The following SETBP1 variants were observed in gnomAD, a reference collection of about 807,000 sequenced individuals.
SETBP1 encodes the protein SET binding protein 1.
SETBP1 carries 9 observed loss-of-function variants against 101.0 expected under a neutral mutation model. That is an observed-to-expected ratio of 0.09 (90% CI 0.05 to 0.16). The LOEUF is 0.16. Ranked by LOEUF, SETBP1 falls within the 10% of genes least tolerant of loss-of-function variation. The probability of loss-of-function intolerance (pLI) is 1.00; values close to 1 mark genes in which losing one functional copy is unlikely to be tolerated. For missense variants in SETBP1, 1,858 were observed against 2,033.8 expected (o/e 0.91, Z 1.66); for synonymous variants, 818 against 788.5 (o/e 1.04, Z -0.63).
intron 2 of SETBP1, among the ~76,000 whole-genome samples, chr18:44,748,026 G>C (rs1260093395): frequency 3.3e-5 from 5 of 152,176 alleles, no homozygotes. Flanking sequence ...TGAGTGGGGT[G>C]GGGAGGCTGG....
chr18:44,766,837 T>G (rs1340199651), intron 2 of SETBP1, among the ~76,000 whole-genome samples: 3 of 152,184 alleles, frequency 2.0e-5, no homozygotes, highest in Non-Finnish European at 4.4e-5. Flanking sequence ...TGATAAATTT[T>G]ATCTTATGTG....
intron 2 of SETBP1, among the ~76,000 whole-genome samples, chr18:44,707,240 G>GT (rs935154401): frequency 2.4e-4 from 36 of 152,162 alleles, no homozygotes; most frequent in African/African-American, 7.5e-4. Context: ...TCACTAGAGT[G>GT]TTTTTTCCAT....
intron 2 of SETBP1, among the ~76,000 whole-genome samples, chr18:44,729,608 G>A (rs1252412496): frequency 6.6e-6 from 1 of 152,216 alleles, no homozygotes; most frequent in Non-Finnish European, 1.5e-5. Context: ...AGGGGCCTAT[G>A]GGGACACCCA....
chr18:44,753,936 C>A (rs16978152), intron 2 of SETBP1, among the ~76,000 whole-genome samples: 2,899 of 152,244 alleles, frequency 0.019, 99 homozygotes, highest in African/African-American at 0.066. Context: ...GTTGGCTGTT[C>A]GAAGGTAGCT....
intron 2 of SETBP1, among the ~76,000 whole-genome samples, chr18:44,736,098 G>T (rs1405089718): frequency 2.0e-5 from 3 of 152,180 alleles, no homozygotes; most frequent in Non-Finnish European, 2.9e-5. Context: ...TCATTAAGAA[G>T]GTCAGGCTGG....
chr18:44,756,761 C>A (rs1244837974), intron 2 of SETBP1, among the ~76,000 whole-genome samples: 1 of 152,110 alleles, frequency 6.6e-6, no homozygotes, highest in Non-Finnish European at 1.5e-5. Context: ...AACCTCTGTC[C>A]TTAAAATTTG....
chr18:45,020,080 G>A (rs964092736), intron 4 of SETBP1, among the ~76,000 whole-genome samples: 7 of 151,694 alleles, frequency 4.6e-5, no homozygotes, highest in African/African-American at 1.5e-4. Context: ...GAGATTTAAA[G>A]TTACTCATAT....
intron 2 of SETBP1, among the ~76,000 whole-genome samples, chr18:44,779,942 ACACG>A (rs2071089931): frequency 6.6e-6 from 1 of 151,840 alleles, no homozygotes; most frequent in South Asian, 2.1e-4. Context: ...ACGCACACAC[ACACG>A]CACGCACACA....
intron 4 of SETBP1, among the ~76,000 whole-genome samples, chr18:44,981,923 C>T (rs1462219639): frequency 6.6e-6 from 1 of 152,200 alleles, no homozygotes; most frequent in East Asian, 1.9e-4. Context: ...AGTTGCTTCA[C>T]TGTAGCATCT....
intron 2 of SETBP1, among the ~76,000 whole-genome samples, chr18:44,807,587 C>T (rs1161035659): frequency 6.6e-6 from 1 of 152,100 alleles, no homozygotes; most frequent in Non-Finnish European, 1.5e-5. Context: ...TATAGAATTC[C>T]CTGGGCCAGT....
chr18:44,711,177 CT>C (rs1276745019), intron 2 of SETBP1, among the ~76,000 whole-genome samples: 1 of 151,974 alleles, frequency 6.6e-6, no homozygotes, highest in Non-Finnish European at 1.5e-5. Flanking sequence ...AACTATGCAA[CT>C]TTTTTCTCTT....
intron 4 of SETBP1, among the ~76,000 whole-genome samples, chr18:45,002,733 C>G (rs1331129093): frequency 6.6e-6 from 1 of 152,200 alleles, no homozygotes; most frequent in African/African-American, 2.4e-5. Flanking sequence ...ACTTCAGCAA[C>G]TCTCTCATCT....
chr18:44,904,355 T>C (rs1048750525), intron 3 of SETBP1, among the ~76,000 whole-genome samples: 3 of 152,210 alleles, frequency 2.0e-5, no homozygotes, highest in African/African-American at 7.2e-5. Context: ...TGCATATTCC[T>C]TTTTGTTTCA....
chr18:44,789,243 A>G, intron 2 of SETBP1, among the ~76,000 whole-genome samples: 1 of 152,218 alleles, frequency 6.6e-6, no homozygotes, highest in East Asian at 1.9e-4. Context: ...TTACCAAAAT[A>G]GCTTTGTGAC....
chr18:44,836,118 G>GA (rs2072489266), intron 2 of SETBP1, among the ~76,000 whole-genome samples: 3 of 44,224 alleles, frequency 6.8e-5, no homozygotes, highest in Non-Finnish European at 2.0e-4. Flanking sequence ...CTCTCTATAA[G>GA]CTTTTTTTTT....
intron 2 of SETBP1, among the ~76,000 whole-genome samples, chr18:44,779,253 A>G (rs1056189196): frequency 4.6e-5 from 7 of 152,100 alleles, no homozygotes; most frequent in Admixed American, 3.9e-4. Flanking sequence ...CTTCTCATAT[A>G]CACTGCATCA....
At chr18:44,763,611 T>G (rs1447434616) in intron 2 of SETBP1, among the ~76,000 whole-genome samples, 1 of 152,240 alleles carries the variant, frequency 6.6e-6, no homozygotes, top group Non-Finnish European at 1.5e-5. Flanking sequence ...GCAATGGTCA[T>G]TTAAAGCTAT....
chr18:45,016,726 TGC>T (rs200216047), intron 4 of SETBP1, among the ~76,000 whole-genome samples: 14 of 137,096 alleles, frequency 1.0e-4, no homozygotes, highest in Admixed American at 2.9e-4. Flanking sequence ...TACACATTGG[TGC>T]GCGCACACAC....
At chr18:44,778,627 G>A (rs1568138838) in intron 2 of SETBP1, among the ~76,000 whole-genome samples, 1 of 152,226 alleles carries the variant, frequency 6.6e-6, no homozygotes, top group Non-Finnish European at 1.5e-5. Context: ...AGGCACTATA[G>A]TTTTCCACTA....
Sources: gnomAD v4.1 joint callset for allele counts (sites outside exome capture counted in the v4.1 genomes callset) on GRCh38, gnomAD v4.1.1 for gene constraint, MANE v1.5 for transcripts, NCBI Gene and HGNC (gene_info 2026-07-23, HGNC 2026-07-21) for gene names.